CSMD2: variants seen among roughly 807,000 people sequenced by gnomAD.
The protein encoded by CSMD2 is CUB and sushi domain-containing protein 2.
A neutral mutation model predicts 398.5 loss-of-function variants in CSMD2; 130 were observed. The observed-to-expected ratio is 0.33, with a 90% CI of 0.28 to 0.38. The LOEUF (loss-of-function observed/expected upper bound fraction) is 0.38, where lower values mean the gene tolerates loss of function less well. Among genes scored for constraint, CSMD2 ranks in the 10% least tolerant of loss-of-function variants. CSMD2 has a pLI of 1.00. For missense variants in CSMD2, 3,829 were observed against 4,764.9 expected (o/e 0.80, Z 5.78); for synonymous variants, 1,828 against 1,908.5 (o/e 0.96, Z 1.10).
intron 3 of CSMD2, among the ~76,000 whole-genome samples, chr1:33,959,496 G>A (rs112667360): frequency 1.3e-5 from 2 of 152,148 alleles, no homozygotes; most frequent in African/African-American, 4.8e-5. Context: ...CCTACCTCTA[G>A]GTGACCAATT....
At chr1:33,805,934 G>A (rs1050777086) in intron 10 of CSMD2, among the ~76,000 whole-genome samples, 2 of 152,004 alleles carry the variant, frequency 1.3e-5, no homozygotes, top group African/African-American at 4.8e-5. Context: ...CTACATTAGT[G>A]TAATAAGGAA....
chr1:33,972,156 G>C lies in CSMD2; in HGVS notation c.518-36202C>G, dbSNP rs74068624. ...GGACTTCTGGACAGCAGAGGGGGCA[G>C]TGGGATGAACAGGGCTTGAGAGAAC... On this transcript the variant is annotated intron_variant, in intron 3 of 70. Coordinates refer to ENST00000373381, the MANE Select transcript of CSMD2 (RefSeq NM_001281956.2). 9.1e-3 allele frequency among the ~76,000 whole-genome samples: 1,384 copies of C among 152,300 alleles called. 18 individuals are homozygous for C. The highest frequency in any genetic ancestry group is 0.031 in the African/African-American group (1,305 of 41,546).
intron 2 of CSMD2, among the ~76,000 whole-genome samples, chr1:34,062,543 G>A (rs1244022685): frequency 1.3e-5 from 2 of 152,198 alleles, no homozygotes; most frequent in South Asian, 2.1e-4. Context: ...GGAAGGTGGT[G>A]AAGAGGGCAG....
At chr1:34,012,861 T>C (rs1163716477) in intron 3 of CSMD2, among the ~76,000 whole-genome samples, 1 of 152,168 alleles carries the variant, frequency 6.6e-6, no homozygotes, top group Non-Finnish European at 1.5e-5. Flanking sequence ...CCAAGTCCCA[T>C]ACAGCTTCCT....
intron 25 of CSMD2, among the ~76,000 whole-genome samples, chr1:33,680,060 A>G (rs1342015343): frequency 1.3e-5 from 2 of 151,536 alleles, no homozygotes; most frequent in South Asian, 2.1e-4. Flanking sequence ...AGCTGGGGCT[A>G]CAGGTGCCCG....
chr1:33,886,360 C>T (rs1641594329), intron 5 of CSMD2, among the ~76,000 whole-genome samples: 1 of 152,120 alleles, frequency 6.6e-6, no homozygotes, highest in South Asian at 2.1e-4. Flanking sequence ...TAAACAAAGT[C>T]GGGCGTACTG....
intron 1 of CSMD2, among the ~76,000 whole-genome samples, chr1:34,114,779 A>G (rs1457547392): frequency 1.3e-5 from 2 of 152,234 alleles, no homozygotes; most frequent in African/African-American, 4.8e-5. Flanking sequence ...TTATTTGACA[A>G]AGAATTCAAA....
chr1:33,578,437 G>A (rs1638449924), intron 48 of CSMD2, among the ~76,000 whole-genome samples: 1 of 152,124 alleles, frequency 6.6e-6, no homozygotes, highest in South Asian at 2.1e-4. Context: ...AATTGGCCAG[G>A]CGTGGTGGTG....
At chr1:34,101,817 G>T (rs1659972463) in intron 1 of CSMD2, among the ~76,000 whole-genome samples, 1 of 151,830 alleles carries the variant, frequency 6.6e-6, no homozygotes, top group Admixed American at 6.6e-5. Context: ...TTTTGTAGTT[G>T]TTTGGCCTTT....
intron 6 of CSMD2, chr1:33,838,534 C>A (rs940363206): frequency 6.6e-6 from 1 of 152,234 alleles, no homozygotes; most frequent in Non-Finnish European, 1.5e-5. Flanking sequence ...CTTTCATTAC[C>A]CACAGTCTTT....
chr1:33,984,718 G>A (rs763996680), intron 3 of CSMD2, among the ~76,000 whole-genome samples: 4 of 152,098 alleles, frequency 2.6e-5, no homozygotes, highest in Non-Finnish European at 4.4e-5. Context: ...AGAAGTTGAA[G>A]GCTGCAGTGA....
chr1:33,737,972 T>A (rs1646937591), intron 15 of CSMD2, among the ~76,000 whole-genome samples: 1 of 152,020 alleles, frequency 6.6e-6, no homozygotes, highest in South Asian at 2.1e-4. Flanking sequence ...AAAAGTGAAT[T>A]GCCAGGATCC....
intron 5 of CSMD2, among the ~76,000 whole-genome samples, chr1:33,896,476 C>T (rs1474079877): frequency 6.6e-6 from 1 of 152,152 alleles, no homozygotes; most frequent in Non-Finnish European, 1.5e-5. Flanking sequence ...ACTATTTTTA[C>T]CATTGTTTTA....
Position 34,064,065 on chromosome 1 carries a change from T to A in CSMD2, c.404+24912A>T, listed in dbSNP as rs183859963. On this transcript the variant is annotated intron_variant, in intron 2 of 70. Coordinates refer to ENST00000373381, the MANE Select transcript of CSMD2 (RefSeq NM_001281956.2). ...CCAAGTCCCTAGGCTGCACACAGCATGGGGATCCTGGGCCCAGCCCACAAA... is the reference window on the plus strand; with the variant it reads ...CCAAGTCCCTAGGCTGCACACAGCAAGGGGATCCTGGGCCCAGCCCACAAA... Among the ~76,000 whole-genome samples, 49 of 152,264 alleles carry A rather than the reference T, an allele frequency of 3.2e-4. No homozygotes were observed. The East Asian group carries it at 8.9e-3, about 28-fold the overall frequency.
At chr1:33,558,005 C>T (rs1658197734) in intron 54 of CSMD2, 83 bp from the exon 55 acceptor site, 1 of 1,291,956 alleles carries the variant, frequency 7.7e-7, no homozygotes, top group African/African-American at 1.5e-5. Context: ...TGAAGCAGAC[C>T]CTGTCGGGAG....
chr1:33,533,984 C>G lies in CSMD2; in HGVS notation c.9880-77G>C. On this transcript the variant is annotated intron_variant, in intron 62 of 70. Transcript: ENST00000373381. The surrounding 1 kb of genome is among the most constrained non-coding windows in gnomAD (Gnocchi z 4.2). ...TACGTCTGTCCCTTGACCACTTTCA[C>G]ATGGCCCAACTCCTCCCGCACTGTT... 1 of 829,194 alleles carries G rather than the reference C, an allele frequency of 1.2e-6. No individual in the cohort carries two copies. The highest frequency in any genetic ancestry group is 2.0e-6 in the Non-Finnish European group (1 of 488,282). The allele number at this position is 829,194 out of a possible 1,614,324, so 51.4% of individuals were successfully genotyped here. A position where few individuals can be genotyped will look rare whatever the true frequency, so the allele number is the denominator to read the frequency against.
At chr1:33,910,361 C>T (rs1350165812) in intron 5 of CSMD2, among the ~76,000 whole-genome samples, 1 of 152,228 alleles carries the variant, frequency 6.6e-6, no homozygotes, top group Non-Finnish European at 1.5e-5. Flanking sequence ...TTTTCGGCTC[C>T]ATGCCAATGG....
intron 3 of CSMD2, among the ~76,000 whole-genome samples, chr1:34,021,068 A>G (rs1342634401): frequency 6.6e-6 from 1 of 152,206 alleles, no homozygotes; most frequent in Non-Finnish European, 1.5e-5. Flanking sequence ...CAGTGGGTTC[A>G]ACTCTCAGTT....
Position 33,519,788 on chromosome 1 carries a change from C to T in CSMD2, c.10736+24G>A. On this transcript the variant is annotated intron_variant, in intron 69 of 70. Transcript: ENST00000373381. This position sits in a 1 kb window ranked among gnomAD's most constrained non-coding sequence, Gnocchi z 5.6. Reference sequence around the variant, plus strand: ...GAGAGGGAGGCCTGCCTGATGCCCGCCCTGCCTCCTTCCTGCACGGTACCT... The same window carrying T: ...GAGAGGGAGGCCTGCCTGATGCCCGTCCTGCCTCCTTCCTGCACGGTACCT... 1 of 1,613,402 alleles carries T rather than the reference C, an allele frequency of 6.2e-7. No individual in the cohort carries two copies. The highest frequency in any genetic ancestry group is 1.1e-5 in the South Asian group (1 of 91,040).
Sources: gnomAD v4.1 joint callset for allele counts (sites outside exome capture counted in the v4.1 genomes callset) on GRCh38, gnomAD v4.1.1 for gene constraint, Gnocchi (gnomAD v3.1) non-coding constraint, MANE v1.5 for transcripts, NCBI Gene and HGNC (gene_info 2026-07-23, HGNC 2026-07-21) for gene names.